The following TNFAIP3 variants were observed in gnomAD, a reference collection of about 807,000 sequenced individuals.
TNFAIP3 encodes TNF alpha induced protein 3.
TNFAIP3 carries 9 observed loss-of-function variants against 72.4 expected under a neutral mutation model. The ratio of observed to expected loss-of-function variants is 0.12; its 90% CI spans 0.07 to 0.22. The LOEUF (loss-of-function observed/expected upper bound fraction) is 0.22, where lower values mean the gene tolerates loss of function less well. Among genes scored for constraint, TNFAIP3 ranks in the 10% least tolerant of loss-of-function variants. TNFAIP3 has a pLI of 1.00. For synonymous variants in TNFAIP3, 339 were observed against 372.6 expected (o/e 0.91, Z 1.04); for missense variants, 833 against 1,018.7 (o/e 0.82, Z 2.48).
chr6:137,873,204 TC>T (rs1322757942), intron 2 of TNFAIP3, among the ~76,000 whole-genome samples: 1 of 152,192 alleles, frequency 6.6e-6, no homozygotes, highest in Admixed American at 6.5e-5. Context: ...AATGACTTTT[TC>T]TTTGATTTTA....
intron 7 of TNFAIP3, among the ~76,000 whole-genome samples, chr6:137,879,690 T>G (rs1005302906): frequency 6.6e-6 from 1 of 152,248 alleles, no homozygotes; most frequent in Non-Finnish European, 1.5e-5. Context: ...AACTTAGATA[T>G]AACAGAACAA....
intron 1 of TNFAIP3, among the ~76,000 whole-genome samples, chr6:137,869,999 G>A (rs371472384): frequency 2.6e-5 from 4 of 152,182 alleles, no homozygotes; most frequent in African/African-American, 7.2e-5. Flanking sequence ...ATCATCCTGC[G>A]CTGTTGGCAT....
At chr6:137,875,429 A>G (rs1776212093) in intron 3 of TNFAIP3, among the ~76,000 whole-genome samples, 1 of 151,556 alleles carries the variant, frequency 6.6e-6, no homozygotes, top group Non-Finnish European at 1.5e-5. Flanking sequence ...GCAATATGAT[A>G]CCTCATCAGG....
Position 137,871,506 on chromosome 6 carries a change from G to C in TNFAIP3, c.279G>C (p.Val93=), listed in dbSNP as rs1253044936. The C allele has an allele frequency of 5.0e-6, 8 of 1,614,018 alleles. No homozygotes were observed. Among genetic ancestry groups the C allele is most frequent in the Non-Finnish European group, 6.8e-6 (8 of 1,179,956 alleles). Residue 93 remains valine, a synonymous_variant, in exon 2 of 9, where the codon GTG becomes GTC. Coordinates refer to ENST00000612899, the MANE Select transcript of TNFAIP3 (RefSeq NM_001270508.2). This position sits in a 1 kb window ranked among gnomAD's most constrained non-coding sequence, Gnocchi z 4.2. ...GGTGTCGAGAAGTCCGGAAGCTTGTGGCGCTGAAAACGAACGGTAAGACTT... is the reference window on the plus strand; with the variant it reads ...GGTGTCGAGAAGTCCGGAAGCTTGTCGCGCTGAAAACGAACGGTAAGACTT... ...LNWCREVRKL[V]ALKTNGDGNC... is the part of the protein sequence containing the mutation.
intron 1 of TNFAIP3, among the ~76,000 whole-genome samples, chr6:137,870,624 G>A (rs1268537738): frequency 6.6e-6 from 1 of 152,196 alleles, no homozygotes; most frequent in Non-Finnish European, 1.5e-5. Context: ...TGGGGCTAAA[G>A]AGGAAACACC....
rs769013751 is a variant in TNFAIP3, at chr6:137,881,351, G to T, written c.*32G>T. 3.3e-6 allele frequency: 5 copies of T among 1,520,156 alleles called. No homozygotes were observed. Among genetic ancestry groups the T allele is most frequent in the East Asian group, 4.5e-5 (2 of 43,982 alleles). The allele number at this position is 1,520,156 out of a possible 1,614,324, so 94.2% of individuals were successfully genotyped here. A position where few individuals can be genotyped will look rare whatever the true frequency, so the allele number is the denominator to read the frequency against. On this transcript the variant is annotated 3_prime_UTR_variant, in exon 9 of 9. Transcript: ENST00000612899. This position sits in a 1 kb window ranked among gnomAD's most constrained non-coding sequence, Gnocchi z 5.0. The stretch of plus-strand genomic sequence containing the variant: ...ACAGGTGGGTCACCTCCTGCAAGAA[G>T]TGGGGCCTCGAGCTGTCAGTCATCA...
At chr6:137,877,283 C>G (rs1461191918) in intron 6 of TNFAIP3, 27 bp downstream of exon 6, 5 of 1,573,954 alleles carry the variant, frequency 3.2e-6, no homozygotes, top group Non-Finnish European at 2.6e-6. Context: ...CAGCTCTCTC[C>G]TGTGTCATCT....
At chr6:137,880,918 C>A in intron 8 of TNFAIP3, 117 bp from the exon 9 acceptor site, 1 of 1,095,642 alleles carries the variant, frequency 9.1e-7, no homozygotes, top group South Asian at 1.6e-5. Flanking sequence ...CTTGCTCAGG[C>A]AGGTAAAGCT....
In TNFAIP3 at chr6:137,881,458, T is replaced by G; in HGVS notation, c.*139T>G. 9.3e-6 allele frequency: 7 copies of G among 750,992 alleles called. No individual in the cohort carries two copies. Among genetic ancestry groups the G allele is most frequent in the Middle Eastern group, 4.2e-4 (1 of 2,390 alleles). The allele number at this position is 750,992 out of a possible 1,614,324, so 46.5% of individuals were successfully genotyped here. ...TGAGCAGGAGAGGAAAGATAAGCTC[T>G]TCGTGGTGCCCACGATGCTCAGGTT... On this transcript the variant is annotated 3_prime_UTR_variant, in exon 9 of 9. Coordinates refer to ENST00000612899, the MANE Select transcript of TNFAIP3 (RefSeq NM_001270508.2). The surrounding 1 kb of genome is among the most constrained non-coding windows in gnomAD (Gnocchi z 5.0).
Position 137,871,065 on chromosome 6 carries a change from A to C in TNFAIP3, c.-15-148A>C. The C allele has an allele frequency of 1.7e-4, 104 of 616,572 alleles. No homozygotes were observed. The highest frequency in any genetic ancestry group is 2.0e-4 in the Non-Finnish European group (74 of 363,932). 38.2% of individuals were successfully genotyped at this position (616,572 alleles called of 1,614,324 possible). A position where few individuals can be genotyped will look rare whatever the true frequency, so the allele number is the denominator to read the frequency against. ...GAGTTAATCTCTGGGGCCAGCTAGTATCCCGGGAGTAGAGGTGCTAAGATC... is the reference window on the plus strand; with the variant it reads ...GAGTTAATCTCTGGGGCCAGCTAGTCTCCCGGGAGTAGAGGTGCTAAGATC... On this transcript the variant is annotated intron_variant, in intron 1 of 8. Coordinates refer to ENST00000612899, the MANE Select transcript of TNFAIP3 (RefSeq NM_001270508.2). This position sits in a 1 kb window ranked among gnomAD's most constrained non-coding sequence, Gnocchi z 4.2.
chr6:137,877,373 C>A, intron 6 of TNFAIP3, 117 bp downstream of exon 6: 1 of 826,950 alleles, frequency 1.2e-6, no homozygotes, highest in Non-Finnish European at 1.8e-6. Context: ...CCAGTTTCTG[C>A]CAATGGGAAA....
rs1266977547 is a variant in TNFAIP3, at chr6:137,875,062, T to C, written c.486+27T>C. 5 of 1,612,850 alleles carry C rather than the reference T, an allele frequency of 3.1e-6. No individual in the cohort carries two copies. In the Admixed American group the frequency reaches 8.3e-5, roughly 27 times the overall value. ...TAGGTTTTTCCCCCTAATTATCTACTAACAGAGCTCCATGGTGGGCATAGG... is the reference window on the plus strand; with the variant it reads ...TAGGTTTTTCCCCCTAATTATCTACCAACAGAGCTCCATGGTGGGCATAGG... On this transcript the variant is annotated intron_variant, in intron 3 of 8. Transcript: ENST00000612899.
intron 5 of TNFAIP3, among the ~76,000 whole-genome samples, chr6:137,876,841 A>T (rs1190260122): frequency 6.6e-6 from 1 of 152,190 alleles, no homozygotes; most frequent in Non-Finnish European, 1.5e-5. Context: ...TGGGACTTTA[A>T]CCAATAAGAT....
chr6:137,881,455 C>G lies in TNFAIP3; in HGVS notation c.*136C>G, dbSNP rs1215730492. Reference sequence around the variant, plus strand: ...GTCTGAGCAGGAGAGGAAAGATAAGCTCTTCGTGGTGCCCACGATGCTCAG... The same window carrying G: ...GTCTGAGCAGGAGAGGAAAGATAAGGTCTTCGTGGTGCCCACGATGCTCAG... On this transcript the variant is annotated 3_prime_UTR_variant, in exon 9 of 9. Coordinates refer to ENST00000612899, the MANE Select transcript of TNFAIP3 (RefSeq NM_001270508.2). The surrounding 1 kb of genome is among the most constrained non-coding windows in gnomAD (Gnocchi z 5.0). 2.6e-6 allele frequency: 2 copies of G among 783,944 alleles called. No individual in the cohort carries two copies. Among genetic ancestry groups the G allele is most frequent in the East Asian group, 5.8e-5 (2 of 34,198 alleles). The allele number at this position is 783,944 out of a possible 1,614,324, so 48.6% of individuals were successfully genotyped here. A position where few individuals can be genotyped will look rare whatever the true frequency, so the allele number is the denominator to read the frequency against.
rs1391037827 is a variant in TNFAIP3 at position 137,882,934 on chromosome 6, T to C, written c.*1615T>C. ...AGGCTGCCATTTTGGGGGTCTGTACTTATGGCCTGAAAATATTTGTGATCC... is the reference window on the plus strand; with the variant it reads ...AGGCTGCCATTTTGGGGGTCTGTACCTATGGCCTGAAAATATTTGTGATCC... On this transcript the variant is annotated 3_prime_UTR_variant, in exon 9 of 9. Coordinates refer to ENST00000612899, the MANE Select transcript of TNFAIP3 (RefSeq NM_001270508.2). 4.4e-6 allele frequency: 1 copy of C among 226,630 alleles called. No homozygotes were observed. The highest frequency in any genetic ancestry group is 2.2e-5 in the African/African-American group (1 of 44,936). The allele number at this position is 226,630 out of a possible 1,614,324, so 14.0% of individuals were successfully genotyped here. A position where few individuals can be genotyped will look rare whatever the true frequency, so the allele number is the denominator to read the frequency against.
In TNFAIP3 at chr6:137,878,963, C is replaced by T. The variant is rs1422483557; in HGVS notation, c.1518C>T (p.Ala506=). The T allele has an allele frequency of 6.2e-7, 1 of 1,614,252 alleles. No homozygotes were observed. Among genetic ancestry groups the T allele is most frequent in the Non-Finnish European group, 8.5e-7 (1 of 1,180,048 alleles). ...GCCACAACGCCCGGCAACTTCACGC[C>T]AGCCACGCCCCAGACCACACAAGGC... The part of the protein sequence containing the change: ...ERCHNARQLH[A]SHAPDHTRHL... Residue 506 remains alanine, a synonymous_variant, in exon 7 of 9, where the codon GCC becomes GCT. Transcript: ENST00000612899.
chr6:137,872,974 A>G (rs953869269), intron 2 of TNFAIP3, among the ~76,000 whole-genome samples: 4 of 152,176 alleles, frequency 2.6e-5, no homozygotes, highest in African/African-American at 9.7e-5. Flanking sequence ...TCCACTAGAA[A>G]AAAAAAAGGA....
chr6:137,883,111 A>G lies in TNFAIP3; in HGVS notation c.*1792A>G, dbSNP rs1381495852. On this transcript the variant is annotated 3_prime_UTR_variant, in exon 9 of 9. Coordinates refer to ENST00000612899, the MANE Select transcript of TNFAIP3 (RefSeq NM_001270508.2). ...TAATTCTCTTAAAGTTGATATCTTAATATTTTGTGTTGATCATTATTTCCA... is the reference window on the plus strand; with the variant it reads ...TAATTCTCTTAAAGTTGATATCTTAGTATTTTGTGTTGATCATTATTTCCA... 1.4e-5 allele frequency: 3 copies of G among 208,124 alleles called. No individual in the cohort carries two copies. In the Admixed American group the frequency reaches 1.8e-4, roughly 12 times the overall value. The allele number at this position is 208,124 out of a possible 1,614,324, so 12.9% of individuals were successfully genotyped here.
chr6:137,867,035 C>CGGGCG (rs1200721930), upstream of TNFAIP3, among the ~76,000 whole-genome samples: 4 of 49,492 alleles, frequency 8.1e-5, no homozygotes, highest in African/African-American at 3.1e-4. This position sits in a 1 kb window ranked among gnomAD's most constrained non-coding sequence, Gnocchi z 6.0. Flanking sequence ...CTGCAGGGAC[C>CGGGCG]GGGCGGGGCG....
Sources: allele counts gnomAD v4.1 joint callset (sites outside exome capture counted in the v4.1 genomes callset), GRCh38; gene constraint gnomAD v4.1.1; non-coding constraint Gnocchi (gnomAD v3.1); transcripts MANE v1.5; gene names NCBI Gene and HGNC (gene_info 2026-07-23, HGNC 2026-07-21).